The following ZNF385D variants were observed in gnomAD, a reference collection of about 807,000 sequenced individuals.
The protein encoded by ZNF385D is zinc finger protein 659.
A neutral mutation model predicts 35.8 loss-of-function variants in ZNF385D; 15 were observed. That is an observed-to-expected ratio of 0.42 (90% CI 0.28 to 0.64). The LOEUF is 0.64. Among genes scored for constraint, ZNF385D ranks in the 30% least tolerant of loss-of-function variants. ZNF385D has a pLI of 0.23. For missense variants in ZNF385D, 474 were observed against 494.6 expected (o/e 0.96, Z 0.39); for synonymous variants, 212 against 186.8 (o/e 1.13, Z -1.10).
chr3:22,335,069 T>G (rs1420585690), intron 2 of ZNF385D, among the ~76,000 whole-genome samples: 1 of 152,118 alleles, frequency 6.6e-6, no homozygotes, highest in Non-Finnish European at 1.5e-5. Context: ...ATGGAACAAA[T>G]TTCCTGCTTT....
chr3:21,612,618 A>C (rs1389307792), intron 2 of ZNF385D, among the ~76,000 whole-genome samples: 1 of 152,252 alleles, frequency 6.6e-6, no homozygotes, highest in Admixed American at 6.5e-5. Flanking sequence ...AGTCACAGAC[A>C]TATAAAAGCA....
At chr3:22,108,174 C>G (rs1373939486) in intron 3 of ZNF385D, among the ~76,000 whole-genome samples, 1 of 152,084 alleles carries the variant, frequency 6.6e-6, no homozygotes, top group Non-Finnish European at 1.5e-5. Flanking sequence ...ACAGAATAAA[C>G]TGAAATATTT....
chr3:22,275,233 TA>T (rs1575012220), intron 2 of ZNF385D, among the ~76,000 whole-genome samples: 1 of 152,090 alleles, frequency 6.6e-6, no homozygotes, highest in East Asian at 1.9e-4. Flanking sequence ...ATTAGAAAAC[TA>T]AAAATTTGAT....
At chr3:21,810,552 G>A (rs1028619979) in intron 3 of ZNF385D, among the ~76,000 whole-genome samples, 1 of 152,074 alleles carries the variant, frequency 6.6e-6, no homozygotes, top group African/African-American at 2.4e-5. Context: ...GTGTATGTAT[G>A]TATGTATATG....
intron 1 of ZNF385D, among the ~76,000 whole-genome samples, chr3:21,721,652 T>C (rs1358953551): frequency 1.3e-5 from 2 of 152,190 alleles, no homozygotes; most frequent in Non-Finnish European, 2.9e-5. Flanking sequence ...CATTTCAGAC[T>C]ATTTTAAGTT....
Position 22,208,878 on chromosome 3 carries a change from C to T in ZNF385D, c.107-39843G>A, listed in dbSNP as rs141146116. On this transcript the variant is annotated intron_variant, in intron 2 of 5. Transcript: ENST00000494108. ...GTCATAGTCCTTGATGCTGAAAAGG[C>T]TCCTAGAAAATCATGGAAGGCTTTG... Among the ~76,000 whole-genome samples the T allele has an allele frequency of 4.1e-3, 628 of 151,898 alleles. 5 individuals are homozygous for T. Among genetic ancestry groups the T allele is most frequent in the Non-Finnish European group, 7.1e-3 (483 of 67,850 alleles).
chr3:21,745,176 A>G (rs369105052), intron 1 of ZNF385D, among the ~76,000 whole-genome samples: 1 of 152,202 alleles, frequency 6.6e-6, no homozygotes, highest in Non-Finnish European at 1.5e-5. Context: ...TTCTGTGAGC[A>G]TCAATCCTGA....
chr3:22,045,306 G>A (rs768166948), intron 3 of ZNF385D, among the ~76,000 whole-genome samples: 34 of 151,946 alleles, frequency 2.2e-4, no homozygotes, highest in Non-Finnish European at 4.4e-4. Flanking sequence ...ATTATTGCTT[G>A]GTGTGATCAT....
chr3:22,057,635 G>A (rs1015072751), intron 3 of ZNF385D, among the ~76,000 whole-genome samples: 3 of 151,336 alleles, frequency 2.0e-5, no homozygotes, highest in South Asian at 2.1e-4. Context: ...TCAACCTCCC[G>A]AGTAGCTGGA....
At chr3:22,289,608 A>G (rs114187018) in intron 2 of ZNF385D, among the ~76,000 whole-genome samples, 1,940 of 152,280 alleles carry the variant, frequency 0.013, 26 homozygotes, top group Non-Finnish European at 0.02. Flanking sequence ...CTATGCACTG[A>G]TTATAGGAGG....
At chr3:21,716,401 C>G (rs954057860) in intron 1 of ZNF385D, among the ~76,000 whole-genome samples, 8 of 152,140 alleles carry the variant, frequency 5.3e-5, no homozygotes, top group African/African-American at 1.9e-4. Context: ...CCCACCATTA[C>G]CATTCTCATC....
intron 1 of ZNF385D, among the ~76,000 whole-genome samples, chr3:21,732,858 T>C (rs1248536852): frequency 2.0e-5 from 3 of 152,202 alleles, no homozygotes; most frequent in African/African-American, 7.2e-5. Context: ...TTATGCTCTT[T>C]GTAGTGTCTT....
At chr3:22,040,434 A>AG (rs1698591999) in intron 3 of ZNF385D, among the ~76,000 whole-genome samples, 1 of 152,172 alleles carries the variant, frequency 6.6e-6, no homozygotes, top group African/African-American at 2.4e-5. Flanking sequence ...TTACAGATCA[A>AG]GGGTTGCAAG....
intron 3 of ZNF385D, among the ~76,000 whole-genome samples, chr3:21,984,972 GT>G (rs1427699230): frequency 6.6e-6 from 1 of 151,494 alleles, no homozygotes; most frequent in African/African-American, 2.4e-5. Context: ...CTGTTTGTCT[GT>G]TTTTTGTGTA....
At chr3:22,011,449 C>G (rs116346074) in intron 3 of ZNF385D, among the ~76,000 whole-genome samples, 1,890 of 152,048 alleles carry the variant, frequency 0.012, 34 homozygotes, top group African/African-American at 0.043. Context: ...ATGAGTTTGG[C>G]AGATTAAGCT....
chr3:21,818,064 A>C (rs1429087576), intron 3 of ZNF385D, among the ~76,000 whole-genome samples: 1 of 152,156 alleles, frequency 6.6e-6, no homozygotes, highest in Non-Finnish European at 1.5e-5. Context: ...CATTCTCAGC[A>C]AACTATCACA....
In ZNF385D at chr3:21,737,795, A is replaced by G. The variant is rs75382045; in HGVS notation, c.22+13100T>C. On this transcript the variant is annotated intron_variant, in intron 1 of 7. Transcript: ENST00000281523. ...TAGGAAGGATCACTGCACATGTGGC[A>G]CATTGCCTGATGTGCCCAGGAAGAA... Among the ~76,000 whole-genome samples the G allele has an allele frequency of 8.3e-3, 1,264 of 152,332 alleles. 21 individuals carry two copies. Among genetic ancestry groups the G allele is most frequent in the African/African-American group, 0.029 (1,193 of 41,566 alleles).
At chr3:21,670,294 A>G (rs2066526259) in intron 1 of ZNF385D, among the ~76,000 whole-genome samples, 1 of 151,820 alleles carries the variant, frequency 6.6e-6, no homozygotes, top group Non-Finnish European at 1.5e-5. Context: ...TTATATTGAC[A>G]TAAATACTTA....
intron 1 of ZNF385D, among the ~76,000 whole-genome samples, chr3:21,697,304 G>T (rs2067505118): frequency 6.6e-6 from 1 of 152,134 alleles, no homozygotes; most frequent in Admixed American, 6.5e-5. Flanking sequence ...CTCTCAAAAA[G>T]CATATAATCA....
Sources: allele counts gnomAD v4.1 joint callset (sites outside exome capture counted in the v4.1 genomes callset), GRCh38; gene constraint gnomAD v4.1.1; transcripts MANE v1.5; gene names NCBI Gene and HGNC (gene_info 2026-07-23, HGNC 2026-07-21).